Variants in APH1B observed in about 807,000 individuals in gnomAD.
The protein encoded by APH1B is aph-1B gamma-secretase subunit, also known as gamma-secretase subunit APH-1B.
A neutral mutation model predicts 28.2 loss-of-function variants in APH1B; 27 were observed. The ratio of observed to expected loss-of-function variants is 0.96; its 90% confidence interval spans 0.70 to 1.32. APH1B has a LOEUF of 1.32. APH1B is among the 40% of genes most tolerant of loss of function. The pLI is 0.00. For synonymous variants in APH1B, 141 were observed against 124.6 expected (o/e 1.13, Z -0.88); for missense variants, 305 against 313.6 (o/e 0.97, Z 0.21).
rs568127938 is a variant in APH1B, at chr15:63,307,467, A to G, written c.*1686A>G. The G allele has an allele frequency of 1.3e-5, 2 of 152,372 alleles. No homozygotes were observed. Among genetic ancestry groups the G allele is most frequent in the African/African-American group, 2.4e-5 (1 of 41,586 alleles). 9.4% of individuals were successfully genotyped at this position (152,372 alleles called of 1,614,324 possible). On this transcript the variant is annotated 3_prime_UTR_variant, in exon 6 of 6. Coordinates refer to ENST00000261879, the MANE Select transcript of APH1B (RefSeq NM_031301.4). ...TGGTTATTCCCCTAAAGTTTACTTC[A>G]GCACTAACACTAGTGCTTCCGCTGG...
At chr15:63,282,985 T>C (rs2152593068) in intron 2 of APH1B, among the ~76,000 whole-genome samples, 2 of 152,324 alleles carry the variant, frequency 1.3e-5, no homozygotes, top group Admixed American at 1.3e-4. Flanking sequence ...TTTTTTGTTC[T>C]TGGGAACATA....
intron 1 of APH1B, chr15:63,278,257 AT>A (rs779872143): frequency 7.7e-5 from 33 of 431,032 alleles, no homozygotes; most frequent in African/African-American, 2.4e-4. Flanking sequence ...AAAAAAAAAA[AT>A]TTAAGCTCCT....
At chr15:63,285,088 G>A (rs190497115) in intron 2 of APH1B, among the ~76,000 whole-genome samples, 1 of 152,202 alleles carries the variant, frequency 6.6e-6, no homozygotes, top group Non-Finnish European at 1.5e-5. Context: ...TCTGGCTCAT[G>A]TCCTCACTAC....
intron 2 of APH1B, 24 bp from the exon 3 acceptor site, chr15:63,286,534 A>G: frequency 6.6e-7 from 1 of 1,508,214 alleles, no homozygotes; most frequent in South Asian, 1.3e-5. Context: ...TTTCTTCTTA[A>G]TTACATGTGT....
At position 63,281,552 on chromosome 15, in the gene APH1B, C is replaced by CA. The variant is rs78791574; in HGVS notation, c.284+2230dup. On this transcript the variant is annotated intron_variant, in intron 2 of 5. Coordinates refer to ENST00000261879, the MANE Select transcript of APH1B (RefSeq NM_031301.4). ...TAATTTTGAAAAAAAAAAAAAAAAA[C>CA]AAAAAAAAACACAATTTCTAATACA... Among the ~76,000 whole-genome samples, 110 of 119,630 alleles carry CA rather than the reference C, an allele frequency of 9.2e-4. No homozygotes were observed. The East Asian group carries it at 0.018, about 19-fold the overall frequency. 78.5% of individuals were successfully genotyped at this position (119,630 alleles called of 152,430 possible).
At chr15:63,290,965 A>G (rs1567029813) in intron 4 of APH1B, among the ~76,000 whole-genome samples, 1 of 152,034 alleles carries the variant, frequency 6.6e-6, no homozygotes, top group Admixed American at 6.5e-5. Context: ...TGTTCGAGGC[A>G]GAGGGAAGAG....
chr15:63,296,922 G>A (rs535188352), intron 4 of APH1B, among the ~76,000 whole-genome samples: 1 of 152,196 alleles, frequency 6.6e-6, no homozygotes, highest in East Asian at 1.9e-4. Context: ...CCTCCCAGGC[G>A]TGAGCCACCC....
chr15:63,287,970 A>G (rs1480465668), intron 4 of APH1B, among the ~76,000 whole-genome samples: 1 of 152,224 alleles, frequency 6.6e-6, no homozygotes, highest in Non-Finnish European at 1.5e-5. Context: ...AGATGAGTTG[A>G]TCATTTCATC....
intron 4 of APH1B, among the ~76,000 whole-genome samples, chr15:63,288,525 A>C (rs1221646091): frequency 6.6e-6 from 1 of 152,196 alleles, no homozygotes; most frequent in Non-Finnish European, 1.5e-5. Context: ...TCAACTGGTT[A>C]GTCTTTCCTT....
chr15:63,300,560 C>T (rs926936753), intron 4 of APH1B, among the ~76,000 whole-genome samples: 1 of 152,196 alleles, frequency 6.6e-6, no homozygotes, highest in East Asian at 1.9e-4. Context: ...AGCTCCCCGC[C>T]GTCACCAAGC....
chr15:63,284,288 A>G (rs2038422846), intron 2 of APH1B, among the ~76,000 whole-genome samples: 1 of 148,816 alleles, frequency 6.7e-6, no homozygotes. Context: ...ATCTCAGCTC[A>G]CTGCAGCCTC....
At chr15:63,281,363 C>T (rs1289946848) in intron 2 of APH1B, among the ~76,000 whole-genome samples, 5 of 151,718 alleles carry the variant, frequency 3.3e-5, no homozygotes, top group African/African-American at 9.7e-5. Context: ...TTTTTGTCAG[C>T]GCCTGGTTTT....
Position 63,286,600 on chromosome 15 carries a change from A to G in APH1B, c.327A>G (p.Thr109=), listed in dbSNP as rs778333976. The part of the protein sequence containing the change: ...EGLKSINPGE[T]APSMRLLAYV... Reference sequence around the variant, plus strand: ...TGAAGAGTATAAACCCAGGTGAGACAGCACCCTCTATGCGACTGCTGGCCT... The same window carrying G: ...TGAAGAGTATAAACCCAGGTGAGACGGCACCCTCTATGCGACTGCTGGCCT... Residue 109 remains threonine, a synonymous_variant, in exon 3 of 6, where the codon ACA becomes ACG. Transcript: ENST00000261879. 2 of 1,608,656 alleles carry G rather than the reference A, an allele frequency of 1.2e-6. No homozygotes were observed. Among genetic ancestry groups the G allele is most frequent in the African/African-American group, 2.7e-5 (2 of 74,314 alleles).
intron 4 of APH1B, among the ~76,000 whole-genome samples, chr15:63,299,561 C>T (rs2038602715): frequency 6.6e-6 from 1 of 152,010 alleles, no homozygotes; most frequent in Non-Finnish European, 1.5e-5. Context: ...CCCTCCACCA[C>T]GCCCGGCTAA....
chr15:63,293,219 C>A (rs2038524124), intron 4 of APH1B, among the ~76,000 whole-genome samples: 1 of 151,520 alleles, frequency 6.6e-6, no homozygotes, highest in Non-Finnish European at 1.5e-5. Context: ...GGCTGGAGTG[C>A]AGTGGTGCGG....
At chr15:63,284,016 G>T (rs2038418562) in intron 2 of APH1B, among the ~76,000 whole-genome samples, 1 of 152,040 alleles carries the variant, frequency 6.6e-6, no homozygotes, top group Non-Finnish European at 1.5e-5. Flanking sequence ...TTTATTGCTG[G>T]ACTGTCAATT....
rs2038643023 is a variant in APH1B, at chr15:63,302,472, G to A, written c.606G>A (p.Gln202=). The change falls in exon 5 of 6, where the codon CAG becomes CAA. Residue 202 remains glutamine (Q), a splice_region_variant and synonymous_variant. Coordinates refer to ENST00000261879, the MANE Select transcript of APH1B (RefSeq NM_031301.4). The stretch of plus-strand genomic sequence containing the variant: ...TGACCCACCTGCTGGTGTCAGCCCA[G>A]GTGAGTGTTGCCGCCATGCTCAGAC... ...VLLTHLLVSA[Q]TFISSYYGIN... 2 of 1,613,166 alleles carry A rather than the reference G, an allele frequency of 1.2e-6. No individual in the cohort carries two copies. The highest frequency in any genetic ancestry group is 1.7e-6 in the Non-Finnish European group (2 of 1,179,644).
Position 63,305,790 on chromosome 15 carries a change from A to C in APH1B, c.*9A>C, listed in dbSNP as rs199595581. On this transcript the variant is annotated 3_prime_UTR_variant, in exon 6 of 6. Transcript: ENST00000261879. ...ACCAGCGCTCCAGATAACCTCAGGG[A>C]ACCAGCACTTCCCAAACCGCAGACT... 15 of 1,609,782 alleles carry C rather than the reference A, an allele frequency of 9.3e-6. No homozygotes were observed. In the South Asian group the frequency reaches 1.4e-4, roughly 15 times the overall value.
intron 4 of APH1B, among the ~76,000 whole-genome samples, chr15:63,297,244 G>T (rs923307918): frequency 1.3e-5 from 2 of 152,182 alleles, no homozygotes; most frequent in Non-Finnish European, 2.9e-5. Context: ...ATTAGAACAG[G>T]CTGGGCATTA....
Sources: gnomAD v4.1 joint callset for allele counts (sites outside exome capture counted in the v4.1 genomes callset) on GRCh38, gnomAD v4.1.1 for gene constraint, MANE v1.5 for transcripts, NCBI Gene and HGNC (gene_info 2026-07-23, HGNC 2026-07-21) for gene names.